TKFC: variants seen among roughly 807,000 people sequenced by gnomAD.
TKFC encodes triokinase and FMN cyclase, also known as triokinase/FMN cyclase.
A neutral mutation model predicts 61.0 loss-of-function variants in TKFC; 46 were observed. The ratio of observed to expected loss-of-function variants is 0.75; its 90% confidence interval spans 0.60 to 0.96. The LOEUF (loss-of-function observed/expected upper bound fraction) is 0.96. Ranked by LOEUF, TKFC falls within the 50% of genes least tolerant of loss-of-function variation. The pLI, the probability that TKFC is intolerant of heterozygous loss-of-function variation, is 0.00. For synonymous variants in TKFC, 314 were observed against 330.1 expected (o/e 0.95, Z 0.53); for missense variants, 715 against 777.5 (o/e 0.92, Z 0.96).
chr11:61,339,382 GTC>G lies in TKFC; in HGVS notation c.434_435del (p.Val145AlafsTer24). On this transcript the variant is annotated frameshift_variant, in exon 5 of 18. Coordinates refer to ENST00000394900, the MANE Select transcript of TKFC (RefSeq NM_015533.4). ...VVIGDDSAFT[V>X]LKKAGRRGLC... ...GATTGGGGACGACAGCGCCTTCACT[GTC>G]CTGAAGAAGGCAGGCCGGCGGGGGC... is the stretch of plus-strand genomic sequence containing the variant. 6.2e-7 allele frequency: 1 copy of G among 1,613,522 alleles called. No individual in the cohort carries two copies. The highest frequency in any genetic ancestry group is 2.2e-5 in the East Asian group (1 of 44,878).
In TKFC at chr11:61,343,383, T is replaced by C. The variant is rs762461795; in HGVS notation, c.907T>C (p.Phe303Leu). The C allele has an allele frequency of 1.1e-5, 18 of 1,614,060 alleles. No homozygotes were observed. Among genetic ancestry groups the C allele is most frequent in the Non-Finnish European group, 1.5e-5 (18 of 1,180,018 alleles). The change falls in exon 11 of 18, where the codon TTC (phenylalanine) becomes CTC (leucine). Residue 303 changes from phenylalanine to leucine, a missense_variant. Physicochemically the swap from Phe to Leu is conservative, Grantham distance 22. Coordinates refer to ENST00000394900, the MANE Select transcript of TKFC (RefSeq NM_015533.4). The stretch of plus-strand genomic sequence containing the variant: ...GATTGCCCGTGCCCTGGTGGGCACC[T>C]TCATGTCAGCACTGGAGATGCCTGG... Reference protein sequence around the residue: ...VKIARALVGTFMSALEMPGIS... With the variant: ...VKIARALVGTLMSALEMPGIS...
intron 2 of TKFC, among the ~76,000 whole-genome samples, chr11:61,334,983 A>T (rs532259257): frequency 3.3e-5 from 5 of 152,204 alleles, no homozygotes; most frequent in African/African-American, 1.2e-4. Flanking sequence ...TCTGCCCCTT[A>T]TCTGGGTCTT....
In TKFC at chr11:61,339,450, G is replaced by T; in HGVS notation, c.486+15G>T. 1 of 1,594,926 alleles carries T rather than the reference G, an allele frequency of 6.3e-7. No homozygotes were observed. On this transcript the variant is annotated intron_variant, in intron 5 of 17. Coordinates refer to ENST00000394900, the MANE Select transcript of TKFC (RefSeq NM_015533.4). ...TTATACACAAGGTGGGCTTCCACCG[G>T]GGACGTGGAGACTGGCCAGCCCTTT...
downstream of TKFC, chr11:61,350,514 G>T: frequency 6.6e-7 from 1 of 1,520,772 alleles, no homozygotes; most frequent in Non-Finnish European, 9.0e-7. Flanking sequence ...AGCCTGCAGG[G>T]TGGTCCCCAT....
chr11:61,350,534 C>G (rs1280971452), downstream of TKFC: 1 of 1,385,520 alleles, frequency 7.2e-7, no homozygotes, highest in Non-Finnish European at 1.0e-6. Flanking sequence ...TCCAAGCCAC[C>G]AAATCCCTCA....
At position 61,346,330 on chromosome 11, in the gene TKFC, C is replaced by T. The variant is rs746547014; in HGVS notation, c.1576-21C>T. 3 of 1,611,516 alleles carry T rather than the reference C, an allele frequency of 1.9e-6. No individual in the cohort carries two copies. The highest frequency in any genetic ancestry group is 2.5e-6 in the Non-Finnish European group (3 of 1,179,986). On this transcript the variant is annotated intron_variant, in intron 17 of 17. Transcript: ENST00000394900. This position sits in a 1 kb window ranked among gnomAD's most constrained non-coding sequence, Gnocchi z 4.1. ...GCCTGGTGATCTGCCCTTGAACCTG[C>T]TCCCACACCCCATCCCCCAGAGTGC...
In TKFC at chr11:61,347,781, C is replaced by T. The variant is rs955524894; in HGVS notation, c.*1278C>T. Reference sequence around the variant, plus strand: ...CAGGAGCTAAGGCCTATTTTTTAGCCCTTTGGGATCTGTAAAATCAGAATG... The same window carrying T: ...CAGGAGCTAAGGCCTATTTTTTAGCTCTTTGGGATCTGTAAAATCAGAATG... On this transcript the variant is annotated 3_prime_UTR_variant, in exon 18 of 18. Coordinates refer to ENST00000394900, the MANE Select transcript of TKFC (RefSeq NM_015533.4). 2.0e-6 allele frequency: 2 copies of T among 977,408 alleles called. No homozygotes were observed. Among genetic ancestry groups the T allele is most frequent in the African/African-American group, 1.8e-5 (1 of 57,006 alleles). 60.5% of individuals were successfully genotyped at this position (977,408 alleles called of 1,614,324 possible).
intron 2 of TKFC, 40 bp downstream of exon 2, chr11:61,334,771 C>G: frequency 6.2e-7 from 1 of 1,613,886 alleles, no homozygotes; most frequent in Non-Finnish European, 8.5e-7. Flanking sequence ...GCAGCATGGT[C>G]TCAAAGCAGG....
chr11:61,345,621 A>G (rs1857084724), intron 15 of TKFC, 56 bp downstream of exon 15: 1 of 1,612,086 alleles, frequency 6.2e-7, no homozygotes, highest in African/African-American at 1.3e-5. Flanking sequence ...GTGTTTGGTG[A>G]CATCTGCGCC....
Position 61,337,964 on chromosome 11 carries a change from G to A in TKFC, c.27G>A (p.Ser9=), listed in dbSNP as rs1440429633. 24 of 1,608,310 alleles carry A rather than the reference G, an allele frequency of 1.5e-5. No individual in the cohort carries two copies. The highest frequency in any genetic ancestry group is 8.8e-5 in the South Asian group (8 of 90,462). The change falls in exon 3 of 18, where the codon TCG becomes TCA. Residue 9 remains serine, a synonymous_variant. Transcript: ENST00000394900. The part of the protein sequence containing the change: MTSKKLVN[S]VAGCADDALA... Reference sequence around the variant, plus strand: ...AGACCTCCAAGAAGCTGGTGAACTCGGTGGCTGGCTGTGCTGATGACGCTC... The same window carrying A: ...AGACCTCCAAGAAGCTGGTGAACTCAGTGGCTGGCTGTGCTGATGACGCTC...
intron 2 of TKFC, chr11:61,336,179 T>G (rs1054629893): frequency 1.9e-5 from 3 of 154,462 alleles, no homozygotes; most frequent in Admixed American, 6.5e-5. Context: ...GGAACCAATC[T>G]TATTGTTCTT....
At chr11:61,350,505 G>A (rs1295831457), downstream of TKFC, 79 of 1,550,122 alleles carry the variant, frequency 5.1e-5, no homozygotes, top group Admixed American at 7.6e-5. Flanking sequence ...CAGACCCCCA[G>A]CCTGCAGGGT....
intron 2 of TKFC, among the ~76,000 whole-genome samples, chr11:61,337,197 G>A (rs948776619): frequency 3.3e-5 from 5 of 152,184 alleles, no homozygotes; most frequent in Non-Finnish European, 7.3e-5. Context: ...CTAGGCTGGA[G>A]TGCAGTGGCA....
rs774738861 is a variant in TKFC, at chr11:61,346,269, C to G, written c.1576-82C>G. On this transcript the variant is annotated intron_variant, in intron 17 of 17. Transcript: ENST00000394900. This position sits in a 1 kb window ranked among gnomAD's most constrained non-coding sequence, Gnocchi z 4.1. ...CAAGGGCGTGCAGGGCCAGGCTGCA[C>G]GGCAGAGACGTTCTGCCCATGGCAG... 1 of 1,599,854 alleles carries G rather than the reference C, an allele frequency of 6.3e-7. No homozygotes were observed. Among genetic ancestry groups the G allele is most frequent in the Admixed American group, 1.7e-5 (1 of 59,674 alleles).
Position 61,346,472 on chromosome 11 carries a change from T to C in TKFC, c.1697T>C (p.Leu566Pro), listed in dbSNP as rs761794040. 3 of 1,609,074 alleles carry C rather than the reference T, an allele frequency of 1.9e-6. No homozygotes were observed. The highest frequency in any genetic ancestry group is 2.5e-6 in the Non-Finnish European group (3 of 1,179,092). ...GGGGCGGTGGCAGCTGCTGCCATCC[T>C]CCGGGCCATCTTGGAGGTCTTGCAG... ...DPGAVAAAAI[L>P]RAILEVLQS Residue 566 changes from leucine (L) to proline (P), a missense_variant, in exon 18 of 18, where the codon CTC becomes CCC. By Grantham distance (98) the Leu-to-Pro change is moderately conservative (BLOSUM62 -3). Coordinates refer to ENST00000394900, the MANE Select transcript of TKFC (RefSeq NM_015533.4). This position sits in a 1 kb window ranked among gnomAD's most constrained non-coding sequence, Gnocchi z 4.1.
chr11:61,353,379 T>C (rs1047903554), downstream of TKFC: 1 of 607,786 alleles, frequency 1.6e-6, no homozygotes, highest in Middle Eastern at 4.1e-4. Context: ...ACCACCTTGT[T>C]TGTCTCTGGT....
chr11:61,341,599 A>T (rs1856858790), intron 6 of TKFC, 85 bp downstream of exon 6: 1 of 1,450,834 alleles, frequency 6.9e-7, no homozygotes, highest in Admixed American at 2.0e-5. Flanking sequence ...TTGGCTGCCT[A>T]GCGGTGCTCC....
Position 61,345,760 on chromosome 11 carries a change from T to C in TKFC, c.1485+15T>C. On this transcript the variant is annotated intron_variant, in intron 16 of 17. Coordinates refer to ENST00000394900, the MANE Select transcript of TKFC (RefSeq NM_015533.4). ...ACAGGACTATGGTATGTACTCAGGC[T>C]GTGGCCTCAGACCTTTCTCCTTTTG... 2 of 1,614,248 alleles carry C rather than the reference T, an allele frequency of 1.2e-6. No homozygotes were observed. Among genetic ancestry groups the C allele is most frequent in the East Asian group, 2.2e-5 (1 of 44,876 alleles).
intron 5 of TKFC, 89 bp downstream of exon 5, chr11:61,339,524 C>G: frequency 7.1e-7 from 1 of 1,407,822 alleles, no homozygotes; most frequent in Non-Finnish European, 9.5e-7. Context: ...CTTTCCAGCC[C>G]TTCCCCAAGA....
Sources: gnomAD v4.1 joint callset for allele counts (sites outside exome capture counted in the v4.1 genomes callset) on GRCh38, gnomAD v4.1.1 for gene constraint, Gnocchi (gnomAD v3.1) non-coding constraint, MANE v1.5 for transcripts, NCBI Gene and HGNC (gene_info 2026-07-23, HGNC 2026-07-21) for gene names.